CHRNB3: variants seen among roughly 807,000 people sequenced by gnomAD.
CHRNB3 encodes cholinergic receptor nicotinic beta 3 subunit.
A neutral mutation model predicts 40.6 loss-of-function variants in CHRNB3; 37 were observed. That is an observed-to-expected ratio of 0.91 (90% CI 0.70 to 1.20). The LOEUF (loss-of-function observed/expected upper bound fraction) is 1.20, where lower values mean the gene tolerates loss of function less well. Ranked by LOEUF, CHRNB3 falls within the 50% of genes most tolerant of loss-of-function variation. The probability of loss-of-function intolerance (pLI) is 0.00; values close to 1 mark genes in which losing one functional copy is unlikely to be tolerated. For missense variants in CHRNB3, 505 were observed against 551.2 expected (o/e 0.92, Z 0.84); for synonymous variants, 207 against 207.1 (o/e 1.00, Z 0.00).
In CHRNB3 at chr8:42,732,553, A is replaced by G; in HGVS notation, c.1242+4A>G. ...GAAAGAACATTTTATCAGCCAGGTG[A>G]GTAAACTGGTATTCCTGATAATGCT... On this transcript the variant is annotated splice_donor_region_variant and intron_variant, in intron 5 of 5. Coordinates refer to ENST00000289957, the MANE Select transcript of CHRNB3 (RefSeq NM_000749.5). 1 of 1,578,692 alleles carries G rather than the reference A, an allele frequency of 6.3e-7. No homozygotes were observed. Among genetic ancestry groups the G allele is most frequent in the East Asian group, 2.2e-5 (1 of 44,750 alleles).
intron 3 of CHRNB3, among the ~76,000 whole-genome samples, chr8:42,715,976 C>CT (rs34401500): frequency 0.33 from 41,085 of 124,050 alleles, 8,810 homozygotes; most frequent in East Asian, 0.51. Flanking sequence ...TTAAACTGAC[C>CT]TTTTTTTTTT....
chr8:42,702,273 G>A (rs1461631309), intron 1 of CHRNB3, among the ~76,000 whole-genome samples: 5 of 151,824 alleles, frequency 3.3e-5, no homozygotes, highest in Admixed American at 1.3e-4. Context: ...GGCCCTAAAG[G>A]AAATATATAT....
intron 1 of CHRNB3, among the ~76,000 whole-genome samples, chr8:42,704,738 C>T (rs527518738): frequency 6.6e-6 from 1 of 152,186 alleles, no homozygotes; most frequent in African/African-American, 2.4e-5. Context: ...CAGTTGTTCT[C>T]GGCCTCCCTG....
chr8:42,708,088 G>A (rs1043927098), intron 1 of CHRNB3, among the ~76,000 whole-genome samples: 23 of 152,194 alleles, frequency 1.5e-4, no homozygotes, highest in Admixed American at 1.3e-3. Flanking sequence ...GGTAGGGGTC[G>A]GGGTGGCTGC....
chr8:42,735,540 C>CAAAAT (rs1816509563), intron 5 of CHRNB3, among the ~76,000 whole-genome samples: 1 of 150,766 alleles, frequency 6.6e-6, no homozygotes, highest in South Asian at 2.1e-4. Context: ...CTCAAAAAAG[C>CAAAAT]AAAACAAAAC....
intron 1 of CHRNB3, among the ~76,000 whole-genome samples, chr8:42,707,334 C>T (rs1815937408): frequency 6.6e-6 from 1 of 152,204 alleles, no homozygotes; most frequent in African/African-American, 2.4e-5. Context: ...GAGGGTATGT[C>T]TCTCATGAGA....
intron 3 of CHRNB3, among the ~76,000 whole-genome samples, chr8:42,727,440 A>G (rs7815274): frequency 0.057 from 8,647 of 151,980 alleles, 324 homozygotes; most frequent in Middle Eastern, 0.11. Flanking sequence ...AGAACAGTCC[A>G]GAATGGACCC....
At chr8:42,699,882 CT>C (rs576300946) in intron 1 of CHRNB3, among the ~76,000 whole-genome samples, 75,762 of 117,388 alleles carry the variant, frequency 0.65, 24,551 homozygotes, top group East Asian at 0.78. Context: ...TTGTGGTATG[CT>C]TTTTTTTTTT....
chr8:42,722,729 T>C, intron 3 of CHRNB3, among the ~76,000 whole-genome samples: 1 of 151,910 alleles, frequency 6.6e-6, no homozygotes, highest in East Asian at 1.9e-4. Flanking sequence ...CCAGCTAATT[T>C]TTGTTGTTGT....
intron 1 of CHRNB3, among the ~76,000 whole-genome samples, chr8:42,697,808 TTA>T (rs1815702075): frequency 6.6e-6 from 1 of 152,046 alleles, no homozygotes; most frequent in African/African-American, 2.4e-5. Context: ...TTCATAATGT[TTA>T]TGTTTTTGTC....
intron 1 of CHRNB3, among the ~76,000 whole-genome samples, chr8:42,699,855 G>A (rs1815749127): frequency 1.3e-5 from 2 of 150,224 alleles, no homozygotes; most frequent in South Asian, 4.2e-4. Context: ...CATGGGTGAC[G>A]GAAGAGGCTG....
In CHRNB3 at chr8:42,726,339, T is replaced by C; in HGVS notation, c.250-4255T>C. On this transcript the variant is annotated intron_variant, in intron 3 of 5. Coordinates refer to ENST00000289957, the MANE Select transcript of CHRNB3 (RefSeq NM_000749.5). ...AACGCTCCACTTGCAAATGACATAA[T>C]TGTCTATGTAGAAAATCTACAGAAA... The C allele has an allele frequency of 5.6e-6, 3 of 533,992 alleles. No homozygotes were observed. The South Asian group carries it at 8.4e-5, about 15-fold the overall frequency. The allele number at this position is 533,992 out of a possible 1,614,324, so 33.1% of individuals were successfully genotyped here.
Position 42,703,435 on chromosome 8 carries a change from A to AAAAAAAATATATAT in CHRNB3, c.53-5281_53-5280insAAAAAATATATATA. On this transcript the variant is annotated intron_variant, in intron 1 of 5. Coordinates refer to ENST00000289957, the MANE Select transcript of CHRNB3 (RefSeq NM_000749.5). ...CAAGACTTCGTCTAAAAAAAAAAAA[A>AAAAAAAATATATAT]ATATTTATATATATATATATATATA... Among the ~76,000 whole-genome samples the AAAAAAAATATATAT allele has an allele frequency of 4.0e-4, 19 of 47,412 alleles. 5 individuals are homozygous for AAAAAAAATATATAT. Among genetic ancestry groups the AAAAAAAATATATAT allele is most frequent in the South Asian group, 8.8e-4 (1 of 1,136 alleles). The allele number at this position is 47,412 out of a possible 152,430, so 31.1% of individuals were successfully genotyped here.
At chr8:42,722,298 G>A (rs1816231041) in intron 3 of CHRNB3, among the ~76,000 whole-genome samples, 1 of 151,932 alleles carries the variant, frequency 6.6e-6, no homozygotes, top group Non-Finnish European at 1.5e-5. Flanking sequence ...CCAGGAAGCG[G>A]AGGTTGCAGT....
chr8:42,722,046 T>TA (rs1816225528), intron 3 of CHRNB3: 2 of 152,116 alleles, frequency 1.3e-5, no homozygotes, highest in Non-Finnish European at 2.9e-5. Context: ...GTGTCCTTTT[T>TA]ATCTCCTAAT....
Position 42,730,583 on chromosome 8 carries a change from A to T in CHRNB3, c.250-11A>T, listed in dbSNP as rs1816389466. Reference sequence around the variant, plus strand: ...TTCGGAATAAAATCACAGTGTACTAATTTCATGCAGGAATGGACAGACCAC... The same window carrying T: ...TTCGGAATAAAATCACAGTGTACTATTTTCATGCAGGAATGGACAGACCAC... On this transcript the variant is annotated splice_polypyrimidine_tract_variant and intron_variant, in intron 3 of 5. Transcript: ENST00000289957. 4 of 1,532,236 alleles carry T rather than the reference A, an allele frequency of 2.6e-6. No homozygotes were observed. The highest frequency in any genetic ancestry group is 3.6e-6 in the Non-Finnish European group (4 of 1,122,410). 94.9% of individuals were successfully genotyped at this position (1,532,236 alleles called of 1,614,324 possible). A position where few individuals can be genotyped will look rare whatever the true frequency, so the allele number is the denominator to read the frequency against.
At chr8:42,727,309 GT>G (rs1364174166) in intron 3 of CHRNB3, among the ~76,000 whole-genome samples, 2 of 150,280 alleles carry the variant, frequency 1.3e-5, no homozygotes, top group Middle Eastern at 3.4e-3. Flanking sequence ...GGAGGTGGAA[GT>G]TGCAGTGAGA....
chr8:42,731,708 T>C lies in CHRNB3; in HGVS notation c.401T>C (p.Ile134Thr). The C allele has an allele frequency of 6.2e-7, 1 of 1,613,624 alleles. No individual in the cohort carries two copies. Among genetic ancestry groups the C allele is most frequent in the Non-Finnish European group, 8.5e-7 (1 of 1,179,784 alleles). Residue 134 changes from isoleucine to threonine, a missense_variant, in exon 5 of 6, where the codon ATC becomes ACC. Ile to Thr is a moderately conservative substitution (Grantham distance 89, BLOSUM62 -1). Coordinates refer to ENST00000289957, the MANE Select transcript of CHRNB3 (RefSeq NM_000749.5). The part of the protein sequence containing the change: ...RFEGSLMTKV[I>T]VKSNGTVVWT... Reference sequence around the variant, plus strand: ...GAAGGCTCCCTGATGACCAAGGTCATCGTGAAATCAAACGGAACTGTTGTC... The same window carrying C: ...GAAGGCTCCCTGATGACCAAGGTCACCGTGAAATCAAACGGAACTGTTGTC...
intron 3 of CHRNB3, among the ~76,000 whole-genome samples, chr8:42,718,672 CAAAAAAAAAAAAAAAA>C (rs59911208): frequency 2.4e-5 from 2 of 82,746 alleles, no homozygotes; most frequent in Non-Finnish European, 4.7e-5. Context: ...GACTCTGTCT[CAAAAAAAAAAAAAAAA>C]AAAAAAAAAA....
Sources: allele counts gnomAD v4.1 joint callset (sites outside exome capture counted in the v4.1 genomes callset), GRCh38; gene constraint gnomAD v4.1.1; transcripts MANE v1.5; gene names NCBI Gene and HGNC (gene_info 2026-07-23, HGNC 2026-07-21).